ZFHX3: variants seen among roughly 807,000 people sequenced by gnomAD.
ZFHX3 encodes the protein zinc finger homeobox protein 3.
In ZFHX3, 42 loss-of-function variants were observed where a neutral mutation model predicts 279.1. The ratio of observed to expected loss-of-function variants is 0.15; its 90% CI spans 0.12 to 0.19. ZFHX3 has a LOEUF of 0.19. Ranked by LOEUF, ZFHX3 falls within the 10% of genes least tolerant of loss-of-function variation. The probability of loss-of-function intolerance (pLI) is 1.00; values close to 1 mark genes in which losing one functional copy is unlikely to be tolerated. For synonymous variants in ZFHX3, 2,293 were observed against 1,957.8 expected (o/e 1.17, Z -4.52); for missense variants, 4,981 against 4,754.0 (o/e 1.05, Z -1.40).
chr16:72,885,071 C>T (rs1270427504), intron 4 of ZFHX3, among the ~76,000 whole-genome samples: 1 of 152,234 alleles, frequency 6.6e-6, no homozygotes, highest in African/African-American at 2.4e-5. Context: ...ATTTCCAAGC[C>T]ATTTTTAAAA....
At chr16:73,104,217 T>C (rs374571536) in intron 7 of ZFHX3, among the ~76,000 whole-genome samples, 1 of 142,066 alleles carries the variant, frequency 7.0e-6, no homozygotes, top group Middle Eastern at 3.3e-3. Context: ...TGGATTTATT[T>C]TATGTATTTA....
intron 5 of ZFHX3, among the ~76,000 whole-genome samples, chr16:73,182,168 T>A (rs928223347): frequency 6.6e-6 from 1 of 151,992 alleles, no homozygotes; most frequent in South Asian, 2.1e-4. Flanking sequence ...TCTAAAACAG[T>A]AGGGAGGGCC....
At chr16:73,532,409 A>G (rs908004537) in intron 2 of ZFHX3, among the ~76,000 whole-genome samples, 1 of 152,146 alleles carries the variant, frequency 6.6e-6, no homozygotes, top group Non-Finnish European at 1.5e-5. Context: ...CTCCCCAGCT[A>G]TGTGGAACTG....
At chr16:72,877,386 A>G (rs926837364) in intron 4 of ZFHX3, among the ~76,000 whole-genome samples, 1 of 152,110 alleles carries the variant, frequency 6.6e-6, no homozygotes, top group Non-Finnish European at 1.5e-5. Context: ...TGTTGTTGTT[A>G]CAATATCTAA....
rs569604083 is a variant in ZFHX3 at position 73,247,040 on chromosome 16, T to A, written c.-1104+10007A>T. Reference sequence around the variant, plus strand: ...TGCGTGTGTGTATATAATGTGCATATGTGTCTGTGTGTCTATATACCTGTA... The same window carrying A: ...TGCGTGTGTGTATATAATGTGCATAAGTGTCTGTGTGTCTATATACCTGTA... On this transcript the variant is annotated intron_variant, in intron 5 of 17. Transcript: ENST00000641206. 2.0e-4 allele frequency among the ~76,000 whole-genome samples: 30 copies of A among 152,288 alleles called. 1 individual carries two copies. Among genetic ancestry groups the A allele is most frequent in the Admixed American group, 5.2e-4 (8 of 15,292 alleles).
At chr16:73,220,326 A>T (rs928793972) in intron 5 of ZFHX3, among the ~76,000 whole-genome samples, 1 of 152,168 alleles carries the variant, frequency 6.6e-6, no homozygotes, top group Admixed American at 6.5e-5. Flanking sequence ...AAATATGCAC[A>T]TGAACCCCTG....
chr16:72,960,888 C>G (rs187001945), intron 1 of ZFHX3, among the ~76,000 whole-genome samples: 1 of 152,200 alleles, frequency 6.6e-6, no homozygotes, highest in Non-Finnish European at 1.5e-5. Context: ...ATTTTACAAG[C>G]AGTAAAACAG....
At chr16:73,119,674 A>G (rs1451851635) in intron 7 of ZFHX3, among the ~76,000 whole-genome samples, 1 of 152,024 alleles carries the variant, frequency 6.6e-6, no homozygotes, top group Non-Finnish European at 1.5e-5. Flanking sequence ...GGAAATATAA[A>G]CTTCATGTAT....
chr16:73,740,557 T>C (rs1399185049), intron 1 of ZFHX3, among the ~76,000 whole-genome samples: 1 of 152,172 alleles, frequency 6.6e-6, no homozygotes, highest in Admixed American at 6.5e-5. Flanking sequence ...GCCACTTATT[T>C]CCTTCAGCAA....
At chr16:73,148,746 A>C (rs1297413771) in intron 5 of ZFHX3, among the ~76,000 whole-genome samples, 1 of 151,670 alleles carries the variant, frequency 6.6e-6, no homozygotes, top group Non-Finnish European at 1.5e-5. Flanking sequence ...CAGGAGTTCA[A>C]GATCAGCCTG....
At chr16:73,103,563 T>C (rs1337048367) in intron 7 of ZFHX3, among the ~76,000 whole-genome samples, 1 of 152,242 alleles carries the variant, frequency 6.6e-6, no homozygotes, top group Non-Finnish European at 1.5e-5. Context: ...GCAGTACAGT[T>C]AATTTGTTTT....
At chr16:73,750,803 G>A (rs931039106) in intron 1 of ZFHX3, among the ~76,000 whole-genome samples, 1 of 152,134 alleles carries the variant, frequency 6.6e-6, no homozygotes, top group Admixed American at 6.5e-5. Context: ...GCAATTAGGG[G>A]TAATATGATG....
chr16:72,973,086 G>C (rs903400598), intron 1 of ZFHX3, among the ~76,000 whole-genome samples: 4 of 152,120 alleles, frequency 2.6e-5, no homozygotes, highest in African/African-American at 9.7e-5. Flanking sequence ...TCCTGACTTG[G>C]CACTTGAATA....
chr16:73,384,901 C>A (rs947180698), intron 3 of ZFHX3, among the ~76,000 whole-genome samples: 2 of 152,216 alleles, frequency 1.3e-5, no homozygotes, highest in Non-Finnish European at 2.9e-5. Context: ...CATCTTGCAT[C>A]CCTCCTACGT....
intron 1 of ZFHX3, among the ~76,000 whole-genome samples, chr16:73,867,294 A>T (rs1193672824): frequency 2.6e-5 from 4 of 152,192 alleles, no homozygotes; most frequent in Non-Finnish European, 4.4e-5. Context: ...CATCTCACAG[A>T]TGAGGAAACT....
At chr16:72,803,539 T>C (rs2036176129) in intron 7 of ZFHX3, among the ~76,000 whole-genome samples, 1 of 152,124 alleles carries the variant, frequency 6.6e-6, no homozygotes, top group Non-Finnish European at 1.5e-5. Context: ...ATACATGCTT[T>C]CTCTCTGTTC....
intron 1 of ZFHX3, among the ~76,000 whole-genome samples, chr16:73,868,292 G>A (rs144116345): frequency 1.3e-5 from 2 of 152,200 alleles, no homozygotes; most frequent in African/African-American, 4.8e-5. Context: ...GGAGGCCAAG[G>A]CAGGCGATCA....
At chr16:73,266,823 G>A (rs977330581) in intron 4 of ZFHX3, among the ~76,000 whole-genome samples, 1 of 152,210 alleles carries the variant, frequency 6.6e-6, no homozygotes, top group African/African-American at 2.4e-5. Flanking sequence ...CATAAGATAG[G>A]GCTTTCGCCT....
intron 1 of ZFHX3, among the ~76,000 whole-genome samples, chr16:73,774,299 G>T (rs1186994965): frequency 6.6e-6 from 1 of 152,158 alleles, no homozygotes; most frequent in Non-Finnish European, 1.5e-5. Flanking sequence ...CATGGTGCTT[G>T]TATAAGCTCA....
Sources: allele counts gnomAD v4.1 joint callset (sites outside exome capture counted in the v4.1 genomes callset), GRCh38; gene constraint gnomAD v4.1.1; transcripts MANE v1.5; gene names NCBI Gene and HGNC (gene_info 2026-07-23, HGNC 2026-07-21).